Variants in WDR19 observed in about 807,000 individuals in gnomAD.
WDR19 encodes WD repeat-containing protein 19.
A neutral mutation model predicts 180.0 loss-of-function variants in WDR19; 121 were observed. That is an observed-to-expected ratio of 0.67 (90% CI 0.58 to 0.78). WDR19 has a LOEUF of 0.78. Among genes scored for constraint, WDR19 ranks in the 30% least tolerant of loss-of-function variants. The pLI, the probability that WDR19 is intolerant of heterozygous loss-of-function variation, is 0.00. For missense variants in WDR19, 1,450 were observed against 1,640.7 expected (o/e 0.88, Z 2.01); for synonymous variants, 497 against 540.7 (o/e 0.92, Z 1.12).
rs181463801 is a variant in WDR19, at chr4:39,239,463, A to T, written c.2364-814A>T. On this transcript the variant is annotated intron_variant, in intron 20 of 36. Transcript: ENST00000399820. ...GGTTTAAAAAAAAAAAATGTGTTTTATGGTCACATGATTGTCATTTAGTGC... is the reference window on the plus strand; with the variant it reads ...GGTTTAAAAAAAAAAAATGTGTTTTTTGGTCACATGATTGTCATTTAGTGC... Among the ~76,000 whole-genome samples, 5 of 151,920 alleles carry T rather than the reference A, an allele frequency of 3.3e-5. No individual in the cohort carries two copies. The East Asian group carries it at 9.6e-4, about 29-fold the overall frequency.
intron 12 of WDR19, among the ~76,000 whole-genome samples, 158 bp downstream of exon 12, chr4:39,216,368 G>A (rs963648543): frequency 3.3e-5 from 5 of 152,086 alleles, no homozygotes; most frequent in African/African-American, 1.2e-4. Flanking sequence ...CTAAAAATTT[G>A]CATAATTTTT....
rs1471572131 is a variant in WDR19 at position 39,266,063 on chromosome 4, G to GT, written c.3186dup (p.Gly1063TrpfsTer6). ...TGGGTTTTTCTCTCTTATTAAACAG[G>GT]TTGGTCAGGCCAAAGATGAACTGCT... On this transcript the variant is annotated frameshift_variant and splice_region_variant, in exon 29 of 37. Transcript: ENST00000399820. LOFTEE classifies it high-confidence loss of function. 6.4e-7 allele frequency: 1 copy of GT among 1,553,490 alleles called. No homozygotes were observed. Among genetic ancestry groups the GT allele is most frequent in the Non-Finnish European group, 8.7e-7 (1 of 1,148,116 alleles).
At chr4:39,277,479 C>T (rs1736014418) in intron 34 of WDR19, among the ~76,000 whole-genome samples, 1 of 152,292 alleles carries the variant, frequency 6.6e-6, no homozygotes, top group South Asian at 2.1e-4. Context: ...GGCTGCAGCA[C>T]TTAATAAGCA....
intron 9 of WDR19, among the ~76,000 whole-genome samples, chr4:39,208,320 T>TTTTTG: frequency 6.7e-6 from 1 of 149,160 alleles, no homozygotes; most frequent in East Asian, 1.9e-4. Context: ...TTTTTTTTTT[T>TTTTTG]TTTTGAGACA....
At chr4:39,254,090 C>T in intron 26 of WDR19, 60 bp downstream of exon 26, 1 of 1,539,452 alleles carries the variant, frequency 6.5e-7, no homozygotes, top group South Asian at 1.2e-5. Context: ...CACTTTGTCT[C>T]TTATGATCTA....
At chr4:39,240,669 A>G (rs1455308229) in intron 21 of WDR19, among the ~76,000 whole-genome samples, 4 of 152,064 alleles carry the variant, frequency 2.6e-5, no homozygotes, top group East Asian at 1.9e-4. Context: ...AAGTTTCAGT[A>G]GGCTGGACGC....
chr4:39,249,072 A>G (rs1732848545), intron 24 of WDR19, among the ~76,000 whole-genome samples: 1 of 151,824 alleles, frequency 6.6e-6, no homozygotes, highest in Admixed American at 6.6e-5. Context: ...CAACTATTCC[A>G]AAATTGACCA....
At chr4:39,265,177 C>T (rs1734668950) in intron 28 of WDR19, among the ~76,000 whole-genome samples, 1 of 151,850 alleles carries the variant, frequency 6.6e-6, no homozygotes, top group African/African-American at 2.4e-5. Flanking sequence ...CCTCAGCCTC[C>T]CAAAGTGCTG....
At chr4:39,262,261 T>C (rs1358688912) in intron 28 of WDR19, among the ~76,000 whole-genome samples, 1 of 152,182 alleles carries the variant, frequency 6.6e-6, no homozygotes, top group African/African-American at 2.4e-5. Context: ...GGCCACTTTT[T>C]TCCCCCCGTT....
At chr4:39,191,371 T>A (rs1726133361) in intron 4 of WDR19, among the ~76,000 whole-genome samples, 1 of 152,224 alleles carries the variant, frequency 6.6e-6, no homozygotes, top group Admixed American at 6.5e-5. Flanking sequence ...TAAATGCTTT[T>A]AAGCAATTTA....
intron 25 of WDR19, 113 bp from the exon 26 acceptor site, chr4:39,253,792 AG>A: frequency 1.7e-5 from 14 of 845,950 alleles, no homozygotes; most frequent in Admixed American, 2.8e-5. Context: ...AAAAAAAAAA[AG>A]AACTGCAATT....
intron 3 of WDR19, among the ~76,000 whole-genome samples, chr4:39,186,826 C>T (rs983232570): frequency 6.6e-6 from 1 of 152,126 alleles, no homozygotes; most frequent in Non-Finnish European, 1.5e-5. Flanking sequence ...AGCCTTACGG[C>T]AGGATTATAA....
chr4:39,273,327 C>T (rs866596614), intron 32 of WDR19: 10 of 451,054 alleles, frequency 2.2e-5, no homozygotes, highest in South Asian at 6.6e-5. Flanking sequence ...GAAGGATTCA[C>T]GCAAAGGCGA....
At chr4:39,268,651 A>T (rs1282173458) in intron 30 of WDR19, among the ~76,000 whole-genome samples, 2 of 152,208 alleles carry the variant, frequency 1.3e-5, no homozygotes, top group Non-Finnish European at 2.9e-5. Flanking sequence ...AAATGTGGAC[A>T]CAATTTTGGA....
chr4:39,195,064 G>C lies in WDR19; in HGVS notation c.406+405G>C, dbSNP rs1291833414. ...AATATGTGGTAATTTTAGTCCACAT[G>C]GTAGATTAAAACATTTACTGCTTGA... On this transcript the variant is annotated intron_variant, in intron 5 of 36. Transcript: ENST00000399820. 2.0e-5 allele frequency among the ~76,000 whole-genome samples: 3 copies of C among 152,054 alleles called. No homozygotes were observed. The East Asian group carries it at 5.8e-4, about 29-fold the overall frequency.
intron 5 of WDR19, among the ~76,000 whole-genome samples, chr4:39,198,420 G>A (rs922839436): frequency 1.3e-5 from 2 of 152,022 alleles, no homozygotes; most frequent in Admixed American, 6.6e-5. Flanking sequence ...AATTAGCCAG[G>A]CATGGTGGCG....
At chr4:39,250,873 A>G (rs905596272) in intron 24 of WDR19, among the ~76,000 whole-genome samples, 2 of 152,194 alleles carry the variant, frequency 1.3e-5, no homozygotes, top group African/African-American at 4.8e-5. Flanking sequence ...CAAAGAAATG[A>G]AAGAACATTC....
chr4:39,214,592 GT>G lies in WDR19; in HGVS notation c.891-4del. ...ATATATTTTTTAATAATGCATTTTT[GT>G]TTTTCAGCATTAAAATCCAAGACTT... is the stretch of plus-strand genomic sequence containing the variant. On this transcript the variant is annotated splice_polypyrimidine_tract_variant and splice_region_variant and intron_variant, in intron 9 of 36. Transcript: ENST00000399820. 6.7e-7 allele frequency: 1 copy of G among 1,488,438 alleles called. No homozygotes were observed. The highest frequency in any genetic ancestry group is 1.2e-5 in the South Asian group (1 of 80,088). The allele number at this position is 1,488,438 out of a possible 1,614,324, so 92.2% of individuals were successfully genotyped here.
chr4:39,212,884 C>T (rs942694123), intron 9 of WDR19, among the ~76,000 whole-genome samples: 18 of 151,998 alleles, frequency 1.2e-4, no homozygotes, highest in Non-Finnish European at 2.2e-4. Context: ...TATATAGTTA[C>T]CATTAAACAA....
Sources: gnomAD v4.1 joint callset for allele counts (sites outside exome capture counted in the v4.1 genomes callset) on GRCh38, gnomAD v4.1.1 for gene constraint, MANE v1.5 for transcripts, NCBI Gene and HGNC (gene_info 2026-07-23, HGNC 2026-07-21) for gene names.